The following ASPH variants were observed in gnomAD, a reference collection of about 807,000 sequenced individuals.
ASPH encodes the protein aspartyl/asparaginyl beta-hydroxylase.
Under a neutral mutation model 118.4 loss-of-function variants are expected in ASPH, and 100 were observed. That is an observed-to-expected ratio of 0.84 (90% CI 0.72 to 1.00). ASPH has a LOEUF of 1.00. ASPH is among the 50% of genes least tolerant of loss of function. The pLI, the probability that ASPH is intolerant of heterozygous loss-of-function variation, is 0.00. For synonymous variants in ASPH, 315 were observed against 325.6 expected, an observed-to-expected ratio of 0.97 and a Z score of 0.35; for missense variants, 920 against 919.5, an observed-to-expected ratio of 1.00 and a Z score of -0.01.
In ASPH at chr8:61,664,980, T is replaced by A. The variant is rs551523031; in HGVS notation, c.323-11320A>T. The A allele has an allele frequency of 1.3e-5, 15 of 1,169,346 alleles. No homozygotes were observed. In the African/African-American group the frequency reaches 1.9e-4, roughly 15 times the overall value. 72.4% of individuals were successfully genotyped at this position (1,169,346 alleles called of 1,614,324 possible). Reference sequence around the variant, plus strand: ...TATTCAATATATTAATCCATAAAAATTCATGATACATATACATTTATCTGA... The same window carrying A: ...TATTCAATATATTAATCCATAAAAAATCATGATACATATACATTTATCTGA... On this transcript the variant is annotated intron_variant, in intron 3 of 24. Coordinates refer to ENST00000379454, the MANE Select transcript of ASPH (RefSeq NM_004318.4).
In ASPH at chr8:61,576,871, C is replaced by T; in HGVS notation, c.1063-13G>A. On this transcript the variant is annotated splice_polypyrimidine_tract_variant and intron_variant, in intron 15 of 24. Transcript: ENST00000379454. ...CCTCAATTTTTCCCTGTTAGAAAGA[C>T]AAAATTACATAAATAAAATAAATTA... The T allele has an allele frequency of 1.3e-6, 2 of 1,574,720 alleles. No individual in the cohort carries two copies. The highest frequency in any genetic ancestry group is 1.2e-5 in the South Asian group (1 of 86,626).
At chr8:61,554,773 T>G (rs1827254337) in intron 19 of ASPH, among the ~76,000 whole-genome samples, 1 of 152,216 alleles carries the variant, frequency 6.6e-6, no homozygotes, top group South Asian at 2.1e-4. Flanking sequence ...GGTCTCAGTC[T>G]GTCGCTCACG....
At chr8:61,644,858 C>T (rs1807094619) in intron 6 of ASPH, among the ~76,000 whole-genome samples, 1 of 152,182 alleles carries the variant, frequency 6.6e-6, no homozygotes, top group South Asian at 2.1e-4. Context: ...ACAAGGCTGA[C>T]AACCACCACC....
intron 3 of ASPH, chr8:61,665,695 T>C (rs1362704723): frequency 1.5e-6 from 2 of 1,351,092 alleles, no homozygotes; most frequent in Admixed American, 5.1e-5. Flanking sequence ...GTATTCTCTT[T>C]TTATCTCTCC....
chr8:61,513,552 C>A (rs1809692490), intron 24 of ASPH, among the ~76,000 whole-genome samples: 1 of 152,226 alleles, frequency 6.6e-6, no homozygotes, highest in Non-Finnish European at 1.5e-5. Context: ...AGAAGGACCC[C>A]TGTGCTCAGC....
chr8:61,510,996 A>G (rs887536687), intron 24 of ASPH, among the ~76,000 whole-genome samples: 1 of 152,182 alleles, frequency 6.6e-6, no homozygotes, highest in African/African-American at 2.4e-5. Flanking sequence ...TGCAGCTTCC[A>G]CATGTGATTC....
intron 18 of ASPH, among the ~76,000 whole-genome samples, chr8:61,558,406 T>C (rs1043371242): frequency 6.6e-6 from 1 of 152,182 alleles, no homozygotes; most frequent in Admixed American, 6.5e-5. Context: ...CAAAAGGTGA[T>C]AGCAGAAGAG....
chr8:61,670,094 G>A (rs1821644322), intron 3 of ASPH, among the ~76,000 whole-genome samples: 1 of 151,768 alleles, frequency 6.6e-6, no homozygotes, highest in South Asian at 2.1e-4. Flanking sequence ...GACATAAAAA[G>A]GACCAAGCTA....
At position 61,704,129 on chromosome 8, in the gene ASPH, A is replaced by G. The variant is rs1449139725; in HGVS notation, c.103+10140T>C. ...AGAATGGCGTGAACCCGGGAGGCGG[A>G]GCTTGCAGTGAGCCGAGATCCCGCC... is the stretch of plus-strand genomic sequence containing the variant. On this transcript the variant is annotated intron_variant, in intron 1 of 24. Coordinates refer to ENST00000379454, the MANE Select transcript of ASPH (RefSeq NM_004318.4). Among the ~76,000 whole-genome samples, 26 of 131,048 alleles carry G rather than the reference A, an allele frequency of 2.0e-4. No homozygotes were observed. The Admixed American group carries it at 2.2e-3, about 11-fold the overall frequency. The allele number at this position is 131,048 out of a possible 152,430, so 86.0% of individuals were successfully genotyped here. A position where few individuals can be genotyped will look rare whatever the true frequency, so the allele number is the denominator to read the frequency against.
intron 21 of ASPH, among the ~76,000 whole-genome samples, chr8:61,532,782 C>A (rs1376071918): frequency 1.3e-5 from 2 of 152,138 alleles, no homozygotes; most frequent in Non-Finnish European, 2.9e-5. Context: ...AGCCAGACTG[C>A]ATGTTTGGAG....
chr8:61,591,848 G>T (rs1265731436), intron 14 of ASPH, among the ~76,000 whole-genome samples: 2 of 152,282 alleles, frequency 1.3e-5, no homozygotes, highest in East Asian at 3.9e-4. Flanking sequence ...AGAAATTAGG[G>T]TGTTCCTAAG....
chr8:61,650,366 T>C (rs983229119), intron 5 of ASPH, among the ~76,000 whole-genome samples: 15 of 152,162 alleles, frequency 9.9e-5, no homozygotes, highest in East Asian at 7.7e-4. Context: ...TAGGCCACCC[T>C]TGGATCACAC....
chr8:61,555,048 ACAC>A (rs953905121), intron 19 of ASPH, among the ~76,000 whole-genome samples: 14 of 152,262 alleles, frequency 9.2e-5, no homozygotes, highest in Admixed American at 8.5e-4. Context: ...GCCCTGGTCT[ACAC>A]CACCTGTGAT....
At chr8:61,626,256 G>A in intron 13 of ASPH, 2 of 1,561,860 alleles carry the variant, frequency 1.3e-6, no homozygotes, top group Non-Finnish European at 1.7e-6. Context: ...GGTGGTAGGG[G>A]CAGTCTTTTT....
chr8:61,599,428 C>T (rs1843312833), intron 14 of ASPH, among the ~76,000 whole-genome samples: 2 of 149,910 alleles, frequency 1.3e-5, no homozygotes, highest in Non-Finnish European at 3.0e-5. Flanking sequence ...ATGTAACAAA[C>T]CTGCACGTTG....
intron 15 of ASPH, chr8:61,578,484 A>C: frequency 6.3e-7 from 1 of 1,592,914 alleles, no homozygotes; most frequent in Non-Finnish European, 8.6e-7. Flanking sequence ...GGCTGTGTGC[A>C]CCCAGGAGAA....
chr8:61,633,936 C>T (rs1003991059), intron 12 of ASPH, among the ~76,000 whole-genome samples: 1 of 152,144 alleles, frequency 6.6e-6, no homozygotes, highest in Non-Finnish European at 1.5e-5. Context: ...CTCAACGGTT[C>T]AGCACAGCAG....
chr8:61,642,804 C>T, intron 10 of ASPH, 84 bp downstream of exon 10: 2 of 1,207,830 alleles, frequency 1.7e-6, no homozygotes, highest in Middle Eastern at 2.5e-4. Context: ...AAGATTGTGC[C>T]ACTGCACTGC....
At chr8:61,601,667 C>T (rs1330407277) in intron 14 of ASPH, among the ~76,000 whole-genome samples, 1 of 149,616 alleles carries the variant, frequency 6.7e-6, no homozygotes, top group Non-Finnish European at 1.5e-5. Flanking sequence ...CAAGAAAATA[C>T]CAGAGGAAGA....
Sources: allele counts gnomAD v4.1 joint callset (sites outside exome capture counted in the v4.1 genomes callset), GRCh38; gene constraint gnomAD v4.1.1; transcripts MANE v1.5; gene names NCBI Gene and HGNC (gene_info 2026-07-23, HGNC 2026-07-21).